Variants in CCDC7 observed in about 807,000 individuals in gnomAD.
CCDC7 encodes coiled-coil domain-containing protein 7.
A neutral mutation model predicts 196.9 loss-of-function variants in CCDC7; 183 were observed. The ratio of observed to expected loss-of-function variants is 0.93; its 90% CI spans 0.82 to 1.05. The LOEUF (loss-of-function observed/expected upper bound fraction) is 1.05. Ranked by LOEUF, CCDC7 falls within the 50% of genes least tolerant of loss-of-function variation. The pLI is 0.00. For missense variants in CCDC7, 1,540 were observed against 1,482.2 expected, an observed-to-expected ratio of 1.04 and a Z score of -0.64; for synonymous variants, 525 against 484.6, an observed-to-expected ratio of 1.08 and a Z score of -1.10.
At chr10:32,774,446 G>A (rs1418848198) in intron 28 of CCDC7, among the ~76,000 whole-genome samples, 1 of 152,088 alleles carries the variant, frequency 6.6e-6, no homozygotes, top group African/African-American at 2.4e-5. Context: ...CCCACACTGG[G>A]AACCATGTGT....
chr10:32,496,450 T>TGC, intron 9 of CCDC7, among the ~76,000 whole-genome samples: 1 of 152,316 alleles, frequency 6.6e-6, no homozygotes, highest in African/African-American at 2.4e-5. Flanking sequence ...GAGGGCATCC[T>TGC]TGTCTTGTGC....
chr10:32,521,353 G>C (rs2047856340), intron 11 of CCDC7, among the ~76,000 whole-genome samples: 1 of 151,918 alleles, frequency 6.6e-6, no homozygotes, highest in South Asian at 2.1e-4. Context: ...TATGAACATG[G>C]AATATCTCTC....
At chr10:32,703,598 C>A (rs1431875659) in intron 24 of CCDC7, among the ~76,000 whole-genome samples, 1 of 152,062 alleles carries the variant, frequency 6.6e-6, no homozygotes, top group African/African-American at 2.4e-5. Flanking sequence ...TGCATAATAT[C>A]CTGCAGACTG....
intron 11 of CCDC7, among the ~76,000 whole-genome samples, chr10:32,529,325 G>T (rs1190472187): frequency 6.6e-6 from 1 of 152,066 alleles, no homozygotes; most frequent in Non-Finnish European, 1.5e-5. Flanking sequence ...CAGCCTACTT[G>T]TAATTTTTAA....
chr10:32,740,855 T>G (rs1485636849), intron 28 of CCDC7, among the ~76,000 whole-genome samples: 2 of 152,096 alleles, frequency 1.3e-5, no homozygotes, highest in Non-Finnish European at 2.9e-5. Flanking sequence ...GTAACCTTTT[T>G]TATCATTTCT....
At chr10:32,755,719 C>T (rs901514181) in intron 28 of CCDC7, among the ~76,000 whole-genome samples, 2 of 151,874 alleles carry the variant, frequency 1.3e-5, no homozygotes, top group East Asian at 3.9e-4. Context: ...AATGCAGATC[C>T]TCGCAAGCAG....
chr10:32,456,152 CAAAATT>C (rs1265137159), intron 2 of CCDC7, 93 bp from the exon 4 acceptor site: 1 of 1,173,742 alleles, frequency 8.5e-7, no homozygotes, highest in African/African-American at 1.6e-5. Context: ...ATAAATTACA[CAAAATT>C]AAAATTTTTC....
At chr10:32,716,577 G>A (rs1209090572) in intron 25 of CCDC7, among the ~76,000 whole-genome samples, 2 of 152,086 alleles carry the variant, frequency 1.3e-5, no homozygotes, top group Non-Finnish European at 1.5e-5. Context: ...ATGAGAAAAT[G>A]CCTCAATTAA....
chr10:32,692,582 CA>C (rs1565161486), intron 23 of CCDC7, among the ~76,000 whole-genome samples: 1 of 152,142 alleles, frequency 6.6e-6, no homozygotes, highest in Admixed American at 6.5e-5. Flanking sequence ...TAGTACCTAC[CA>C]AAGTGTTCCT....
intron 30 of CCDC7, among the ~76,000 whole-genome samples, chr10:32,813,643 T>C (rs191115554): frequency 8.5e-4 from 129 of 152,312 alleles, no homozygotes; most frequent in African/African-American, 3.0e-3. Context: ...ACATAGTACA[T>C]ACCTACAGGT....
intron 24 of CCDC7, among the ~76,000 whole-genome samples, chr10:32,705,697 C>G (rs1032325533): frequency 2.0e-5 from 3 of 152,114 alleles, no homozygotes; most frequent in African/African-American, 7.2e-5. Context: ...GACTTTAAAC[C>G]AACAAAGATC....
chr10:32,515,739 A>G (rs1278790226), intron 9 of CCDC7, among the ~76,000 whole-genome samples: 4 of 149,906 alleles, frequency 2.7e-5, no homozygotes, highest in African/African-American at 9.8e-5. Context: ...GCGGGGTTTC[A>G]CTGTGTTAGC....
chr10:32,612,843 C>T (rs1034741198), intron 18 of CCDC7, among the ~76,000 whole-genome samples: 7 of 150,168 alleles, frequency 4.7e-5, no homozygotes, highest in African/African-American at 9.8e-5. Context: ...ATTTTTGCAT[C>T]GATGTTCATC....
chr10:32,607,140 C>T (rs1590489145), intron 18 of CCDC7, among the ~76,000 whole-genome samples: 3 of 152,094 alleles, frequency 2.0e-5, no homozygotes, highest in Admixed American at 2.0e-4. Flanking sequence ...CCATCTTGCT[C>T]CTGCTTTCTC....
At chr10:32,681,159 C>T (rs1330883104) in intron 21 of CCDC7, among the ~76,000 whole-genome samples, 2 of 152,128 alleles carry the variant, frequency 1.3e-5, no homozygotes, top group African/African-American at 4.8e-5. Flanking sequence ...TCATCACTCT[C>T]TCAGCTAGTA....
At chr10:32,845,492 A>G in intron 34 of CCDC7, 51 bp from the exon 36 acceptor site, 1 of 1,441,402 alleles carries the variant, frequency 6.9e-7, no homozygotes, top group Non-Finnish European at 9.7e-7. Flanking sequence ...ACACACAAGT[A>G]TGGTAATGAT....
rs560240985 is a variant in CCDC7 at position 32,755,301 on chromosome 10, A to C, written c.2906-23676A>C. On this transcript the variant is annotated intron_variant, in intron 28 of 41. Coordinates refer to ENST00000639629, the Ensembl canonical transcript of CCDC7. ...CCCAGCATGGAGTTTGAGATCTGAG[A>C]ATGGAGAAACTGCATCCTCAAGTGG... is the stretch of plus-strand genomic sequence containing the variant. 1.8e-4 allele frequency among the ~76,000 whole-genome samples: 28 copies of C among 152,254 alleles called. No homozygotes were observed. The South Asian group carries it at 5.8e-3, about 32-fold the overall frequency.
At chr10:32,703,556 T>A (rs2079136253) in intron 24 of CCDC7, among the ~76,000 whole-genome samples, 1 of 152,086 alleles carries the variant, frequency 6.6e-6, no homozygotes, top group South Asian at 2.1e-4. Flanking sequence ...ATTTGAATGT[T>A]GGCCTGCCTT....
At chr10:32,880,013 C>T (rs958992126), downstream of CCDC7, among the ~76,000 whole-genome samples, 3 of 152,038 alleles carry the variant, frequency 2.0e-5, no homozygotes, top group Admixed American at 1.3e-4. Context: ...AATGAACATA[C>T]ATTTGCATAT....
Sources: gnomAD v4.1 joint callset for allele counts (sites outside exome capture counted in the v4.1 genomes callset) on GRCh38, gnomAD v4.1.1 for gene constraint, MANE v1.5 for transcripts, NCBI Gene and HGNC (gene_info 2026-07-23, HGNC 2026-07-21) for gene names.